The following TCF25 variants were observed in gnomAD, a reference collection of about 807,000 sequenced individuals.
The protein encoded by TCF25 is TCF25 ribosome quality control complex subunit, also known as ribosome quality control complex subunit TCF25.
TCF25 carries 41 observed loss-of-function variants against 83.1 expected under a neutral mutation model. That is an observed-to-expected ratio of 0.49 (90% CI 0.38 to 0.64). The LOEUF is 0.64. Ranked by LOEUF, TCF25 falls within the 30% of genes least tolerant of loss-of-function variation. The pLI is 0.00. For synonymous variants in TCF25, 458 were observed against 365.0 expected (o/e 1.25, Z -2.90); for missense variants, 979 against 914.5 (o/e 1.07, Z -0.91).
In TCF25 at chr16:89,906,221, C is replaced by T; in HGVS notation, c.1656C>T (p.Pro552=). The T allele has an allele frequency of 6.2e-7, 1 of 1,613,436 alleles. No individual in the cohort carries two copies. Among genetic ancestry groups the T allele is most frequent in the Middle Eastern group, 1.7e-4 (1 of 6,058 alleles). ...NRRKVLYQRA[P]RNIHRHVILS... is the part of the protein sequence containing the mutation. ...GGAAGGTGCTCTACCAGCGTGCACC[C>T]AGGAATATCCACCGCCATGTGATCC... Residue 552 remains proline, a synonymous_variant, in exon 15 of 18, where the codon CCC becomes CCT. Coordinates refer to ENST00000263346, the MANE Select transcript of TCF25 (RefSeq NM_014972.3).
Position 89,910,658 on chromosome 16 carries a change from A to T in TCF25, c.1867A>T (p.Met623Leu), listed in dbSNP as rs745749321. The T allele has an allele frequency of 6.2e-7, 1 of 1,613,524 alleles. No homozygotes were observed. Among genetic ancestry groups the T allele is most frequent in the Non-Finnish European group, 8.5e-7 (1 of 1,179,964 alleles). Residue 623 changes from methionine (M) to leucine (L), a missense_variant, in exon 17 of 18, where the codon ATG becomes TTG. Physicochemically the swap from Met to Leu is conservative, Grantham distance 15 (BLOSUM62 2). Coordinates refer to ENST00000263346, the MANE Select transcript of TCF25 (RefSeq NM_014972.3). ...CCGGTCACTGTTGCCAAACTATACC[A>T]TGGAGGTAGGTTGAGCTCGTCCCAG... ...FFRSLLPNYT[M>L]EGERPEEGVA...
chr16:89,904,535 G>T (rs2044613285), intron 13 of TCF25: 1 of 492,644 alleles, frequency 2.0e-6, no homozygotes, highest in Non-Finnish European at 3.7e-6. Flanking sequence ...AGCTGTGTTT[G>T]TGCTGCTGCA....
intron 3 of TCF25, among the ~76,000 whole-genome samples, chr16:89,885,446 C>G (rs921264033): frequency 9.9e-5 from 15 of 152,192 alleles, no homozygotes; most frequent in African/African-American, 3.6e-4. Flanking sequence ...GAACCCTCCA[C>G]TGGAGCTAGT....
intron 16 of TCF25, chr16:89,909,144 A>T: frequency 7.8e-7 from 1 of 1,281,908 alleles, no homozygotes; most frequent in Non-Finnish European, 1.0e-6. Flanking sequence ...TTAATTTTAG[A>T]ATGTAGAAAT....
intron 16 of TCF25, chr16:89,909,098 G>T: frequency 3.1e-6 from 4 of 1,289,508 alleles, no homozygotes; most frequent in Non-Finnish European, 4.0e-6. Context: ...GAGTGACACA[G>T]TGGAAGCAGG....
chr16:89,882,459 C>T (rs2042679518), intron 1 of TCF25, among the ~76,000 whole-genome samples: 2 of 152,280 alleles, frequency 1.3e-5, no homozygotes, highest in Middle Eastern at 6.8e-3. Context: ...GATGCTTGAA[C>T]CCAGGAGGCC....
At chr16:89,889,205 AT>A (rs1020069230) in intron 5 of TCF25, 8 of 396,938 alleles carry the variant, frequency 2.0e-5, no homozygotes, top group African/African-American at 1.7e-4. Flanking sequence ...TTATTTATTT[AT>A]TTTTATTTTT....
intron 2 of TCF25, 136 bp downstream of exon 2, chr16:89,883,648 C>CAAGT: frequency 9.8e-7 from 1 of 1,024,096 alleles, no homozygotes; most frequent in Non-Finnish European, 1.4e-6. Flanking sequence ...TAGTTGCCCC[C>CAAGT]AAATTTACTT....
chr16:89,878,573 T>C, intron 1 of TCF25: 1 of 1,173,498 alleles, frequency 8.5e-7, no homozygotes, highest in Non-Finnish European at 1.1e-6. Context: ...GACAAGAACC[T>C]TGTGAAATGT....
At chr16:89,905,204 G>A in intron 14 of TCF25, 108 bp downstream of exon 14, 1 of 1,409,474 alleles carries the variant, frequency 7.1e-7, no homozygotes, top group Non-Finnish European at 9.3e-7. Context: ...GAGCAGCTTG[G>A]CCTCCCTTGC....
chr16:89,879,262 G>A (rs571845278), intron 1 of TCF25, among the ~76,000 whole-genome samples: 8 of 138,266 alleles, frequency 5.8e-5, no homozygotes, highest in East Asian at 2.3e-4. Context: ...GATGGGCTTC[G>A]GGGCCTGTCA....
At position 89,896,024 on chromosome 16, in the gene TCF25, C is replaced by A; in HGVS notation, c.963C>A (p.His321Gln). Residue 321 changes from histidine to glutamine, a missense_variant, in exon 9 of 18, where the codon CAC becomes CAA. By Grantham distance (24) the His-to-Gln change is conservative. Transcript: ENST00000263346. ...RALYSMECAF[H>Q]PLFSLTSGAC... Reference sequence around the variant, plus strand: ...TGTACAGCATGGAATGTGCGTTCCACCCCCTGTTCAGTCTCACCAGTGGGG... The same window carrying A: ...TGTACAGCATGGAATGTGCGTTCCAACCCCTGTTCAGTCTCACCAGTGGGG... The A allele has an allele frequency of 1.2e-6, 2 of 1,613,942 alleles. No individual in the cohort carries two copies. Among genetic ancestry groups the A allele is most frequent in the Non-Finnish European group, 1.7e-6 (2 of 1,179,996 alleles).
In TCF25 at chr16:89,911,334, T is replaced by A; in HGVS notation, c.*96T>A. On this transcript the variant is annotated 3_prime_UTR_variant, in exon 18 of 18. Transcript: ENST00000263346. The stretch of plus-strand genomic sequence containing the variant: ...TTGCCTGAAGTAGGGAAGCTGAGTG[T>A]GTCGCTCCCTGGTCCACTGTTTCTC... 3 of 1,491,802 alleles carry A rather than the reference T, an allele frequency of 2.0e-6. No homozygotes were observed. In the South Asian group the frequency reaches 3.6e-5, roughly 18 times the overall value. 92.4% of individuals were successfully genotyped at this position (1,491,802 alleles called of 1,614,324 possible). A position where few individuals can be genotyped will look rare whatever the true frequency, so the allele number is the denominator to read the frequency against.
Position 89,898,878 on chromosome 16 carries a change from T to C in TCF25, c.1221+6T>C. On this transcript the variant is annotated splice_donor_region_variant and intron_variant, in intron 11 of 17. Transcript: ENST00000263346. ...GCCTCTTCCAGGAGTGGGAGGTGGGTGCGAGCCTGGTGAGGCCCCGTGGAG... is the reference window on the plus strand; with the variant it reads ...GCCTCTTCCAGGAGTGGGAGGTGGGCGCGAGCCTGGTGAGGCCCCGTGGAG... 1 of 1,613,422 alleles carries C rather than the reference T, an allele frequency of 6.2e-7. No homozygotes were observed. Among genetic ancestry groups the C allele is most frequent in the Non-Finnish European group, 8.5e-7 (1 of 1,179,900 alleles).
chr16:89,889,640 T>G (rs1041474348), intron 5 of TCF25: 2 of 154,290 alleles, frequency 1.3e-5, no homozygotes, highest in African/African-American at 2.5e-5. Flanking sequence ...AACCTCCGCC[T>G]CCCGGGTTCA....
intron 5 of TCF25, chr16:89,889,850 T>G (rs2043291792): frequency 6.6e-6 from 1 of 152,246 alleles, no homozygotes; most frequent in Non-Finnish European, 1.5e-5. Flanking sequence ...GTGCCTGGTC[T>G]GCACGTCTGA....
At chr16:89,910,990 C>A in intron 17 of TCF25, 90 bp from the exon 18 acceptor site, 1 of 1,549,580 alleles carries the variant, frequency 6.5e-7, no homozygotes, top group South Asian at 1.2e-5. Context: ...GCAAGGGCCA[C>A]CTCGGGCTCC....
intron 14 of TCF25, among the ~76,000 whole-genome samples, chr16:89,905,846 A>G (rs377257115): frequency 2.0e-5 from 3 of 152,226 alleles, no homozygotes; most frequent in Non-Finnish European, 4.4e-5. Context: ...CTGTGCCTGT[A>G]GCCGTAGCAG....
chr16:89,878,360 T>C (rs1463156532), intron 1 of TCF25: 4 of 1,096,320 alleles, frequency 3.6e-6, no homozygotes, highest in Non-Finnish European at 4.6e-6. Context: ...CCAAGGCGGG[T>C]GGACCACCTG....
Sources: gnomAD v4.1 joint callset for allele counts (sites outside exome capture counted in the v4.1 genomes callset) on GRCh38, gnomAD v4.1.1 for gene constraint, MANE v1.5 for transcripts, NCBI Gene and HGNC (gene_info 2026-07-23, HGNC 2026-07-21) for gene names.